Variants in IL6ST observed in about 807,000 individuals in gnomAD.
IL6ST encodes interleukin-6 receptor subunit beta.
Under a neutral mutation model 91.3 loss-of-function variants are expected in IL6ST, and 24 were observed. The ratio of observed to expected loss-of-function variants is 0.26; its 90% CI spans 0.19 to 0.37. IL6ST has a LOEUF of 0.37. IL6ST is among the 10% of genes least tolerant of loss of function. The probability of loss-of-function intolerance (pLI) is 1.00; values close to 1 mark genes in which losing one functional copy is unlikely to be tolerated. For missense variants in IL6ST, 914 were observed against 1,078.5 expected, an observed-to-expected ratio of 0.85 and a Z score of 2.14; for synonymous variants, 351 against 373.6, an observed-to-expected ratio of 0.94 and a Z score of 0.70.
rs1401039072 is a variant in IL6ST, at chr5:55,938,209, A to G, written c.*2873T>C. On this transcript the variant is annotated 3_prime_UTR_variant, in exon 17 of 17. Transcript: ENST00000381298. The stretch of plus-strand genomic sequence containing the variant: ...GTGGTAAAATCCCTTATCAAGGAAT[A>G]AGGCTGAAATTTAAATGAACAATTA... 5.2e-6 allele frequency: 1 copy of G among 192,416 alleles called. No individual in the cohort carries two copies. The highest frequency in any genetic ancestry group is 1.1e-5 in the Non-Finnish European group (1 of 92,022). The allele number at this position is 192,416 out of a possible 1,614,324, so 11.9% of individuals were successfully genotyped here. A position where few individuals can be genotyped will look rare whatever the true frequency, so the allele number is the denominator to read the frequency against.
chr5:55,950,186 GA>G, intron 14 of IL6ST: 1 of 493,756 alleles, frequency 2.0e-6, no homozygotes, highest in Non-Finnish European at 4.0e-6. Context: ...ATGTATTTGG[GA>G]AGGAAAGAGA....
At chr5:55,947,634 T>G (rs1412915859) in intron 14 of IL6ST, 45 bp from the exon 15 acceptor site, 46 of 988,354 alleles carry the variant, frequency 4.7e-5, no homozygotes, top group Non-Finnish European at 5.6e-5. Flanking sequence ...TGATGGGAAA[T>G]AATGTTGACA....
chr5:55,976,134 A>G (rs1753274742), intron 3 of IL6ST, 81 bp downstream of exon 3: 2 of 554,016 alleles, frequency 3.6e-6, no homozygotes, highest in Non-Finnish European at 6.0e-6. Flanking sequence ...ATAATTAAAC[A>G]TAAGCTTAAT....
rs574294088 is a variant in IL6ST at position 55,989,487 on chromosome 5, C to A, written c.-104+5297G>T. Among the ~76,000 whole-genome samples the A allele has an allele frequency of 5.9e-5, 9 of 152,236 alleles. No homozygotes were observed. The East Asian group carries it at 1.7e-3, about 29-fold the overall frequency. Reference sequence around the variant, plus strand: ...CTAAATGCAAAAGCAAAATTATAAGCATATTGAAAAACACATAGAATATGC... The same window carrying A: ...CTAAATGCAAAAGCAAAATTATAAGAATATTGAAAAACACATAGAATATGC... On this transcript the variant is annotated intron_variant, in intron 1 of 16. Transcript: ENST00000381298.
At position 55,963,334 on chromosome 5, in the gene IL6ST, C is replaced by T. The variant is rs1033711647; in HGVS notation, c.813+18G>A. 9.1e-6 allele frequency: 14 copies of T among 1,533,346 alleles called. No homozygotes were observed. The highest frequency in any genetic ancestry group is 2.8e-5 in the African/African-American group (2 of 71,370). 95.0% of individuals were successfully genotyped at this position (1,533,346 alleles called of 1,614,324 possible). ...TTGAAAGAAGGACTATTTGAATAAA[C>T]GGTAACTTTCAATTTACCTGGCTCC... On this transcript the variant is annotated intron_variant, in intron 7 of 16. Transcript: ENST00000381298.
chr5:55,991,000 T>G (rs1485754429), intron 1 of IL6ST, among the ~76,000 whole-genome samples: 1 of 152,010 alleles, frequency 6.6e-6, no homozygotes, highest in African/African-American at 2.4e-5. Context: ...TTTGGTTTTC[T>G]GTCCTTGCAA....
chr5:55,990,764 C>CT (rs944671358), intron 1 of IL6ST, among the ~76,000 whole-genome samples: 2 of 151,992 alleles, frequency 1.3e-5, no homozygotes, highest in Non-Finnish European at 2.9e-5. Context: ...GTTTATTATA[C>CT]TTTAAGTTCT....
rs1182556423 is a variant in IL6ST, at chr5:55,938,802, G to C, written c.*2280C>G. 12 of 202,454 alleles carry C rather than the reference G, an allele frequency of 5.9e-5. No individual in the cohort carries two copies. The highest frequency in any genetic ancestry group is 1.0e-5 in the Non-Finnish European group (1 of 98,550). The allele number at this position is 202,454 out of a possible 1,614,324, so 12.5% of individuals were successfully genotyped here. A position where few individuals can be genotyped will look rare whatever the true frequency, so the allele number is the denominator to read the frequency against. On this transcript the variant is annotated 3_prime_UTR_variant, in exon 17 of 17. Transcript: ENST00000381298. Reference sequence around the variant, plus strand: ...TAGGGCAGGTGTACATTACATATTAGTGCTCAAATATATGTTCATTTCCAG... The same window carrying C: ...TAGGGCAGGTGTACATTACATATTACTGCTCAAATATATGTTCATTTCCAG...
In IL6ST at chr5:55,945,096, A is replaced by T. The variant is rs539525401; in HGVS notation, c.1938-2345T>A. ...TCTCCTATAGATTCAATTAAATCTG[A>T]CCTATAGATTCAATAAAATCCCAAT... On this transcript the variant is annotated intron_variant, in intron 15 of 16. Transcript: ENST00000381298. Among the ~76,000 whole-genome samples the T allele has an allele frequency of 5.3e-4, 80 of 152,058 alleles. 1 individual carries two copies. Among genetic ancestry groups the T allele is most frequent in the African/African-American group, 1.7e-3 (72 of 41,470 alleles).
In IL6ST at chr5:55,942,747, T is replaced by C; in HGVS notation, c.1942A>G (p.Lys648Glu). 6.3e-7 allele frequency: 1 copy of C among 1,597,984 alleles called. No homozygotes were observed. Among genetic ancestry groups the C allele is most frequent in the Non-Finnish European group, 8.6e-7 (1 of 1,167,166 alleles). ...GGAACATTAGGCCAGATGTGTTTTT[T>C]AATTCTGAAGAGAAAAGAAAAATGG... ...LFCFNKRDLI[K>E]KHIWPNVPDP... The change falls in exon 16 of 17, where the codon AAA becomes GAA. Residue 648 changes from lysine to glutamate, a missense_variant. Physicochemically the swap from Lys to Glu is moderately conservative, Grantham distance 56. Transcript: ENST00000381298.
At chr5:55,979,498 A>G (rs1445371739) in intron 2 of IL6ST, among the ~76,000 whole-genome samples, 1 of 152,188 alleles carries the variant, frequency 6.6e-6, no homozygotes, top group Non-Finnish European at 1.5e-5. Context: ...AATTATCCCA[A>G]TACCATTCTT....
intron 3 of IL6ST, among the ~76,000 whole-genome samples, chr5:55,970,919 AAAAC>A (rs1365807237): frequency 1.6e-4 from 24 of 152,228 alleles, no homozygotes; most frequent in African/African-American, 5.5e-4. Flanking sequence ...AAAACAAAAC[AAAAC>A]AAACAAAACA....
Position 55,952,016 on chromosome 5 carries a change from C to T in IL6ST, c.1612G>A (p.Glu538Lys), listed in dbSNP as rs1273735319. 5 of 1,611,892 alleles carry T rather than the reference C, an allele frequency of 3.1e-6. 1 individual carries two copies. The Middle Eastern group carries it at 4.9e-4, about 159-fold the overall frequency. Residue 538 changes from glutamate (E) to lysine (K), a missense_variant, in exon 13 of 17, where the codon GAG (glutamate) becomes AAG (lysine). By Grantham distance (56) the Glu-to-Lys change is moderately conservative. Coordinates refer to ENST00000381298, the MANE Select transcript of IL6ST (RefSeq NM_002184.4). ...KKVGKNEAVL[E>K]WDQLPVDVQN... ...ACATCAACAGGAAGTTGGTCCCACTCTAAGACAGCTTCGTTTTTCCCTACT... is the reference window on the plus strand; with the variant it reads ...ACATCAACAGGAAGTTGGTCCCACTTTAAGACAGCTTCGTTTTTCCCTACT...
rs932466727 is a variant in IL6ST, at chr5:55,994,944, T to A, written c.-264A>T. The A allele has an allele frequency of 6.6e-6, 1 of 152,022 alleles. No homozygotes were observed. Among genetic ancestry groups the A allele is most frequent in the Admixed American group, 6.5e-5 (1 of 15,268 alleles). The allele number at this position is 152,022 out of a possible 1,614,324, so 9.4% of individuals were successfully genotyped here. ...GGGCCTTTTGGCTGCTCGCCCCGGC[T>A]CCGGAACACTGTCAGATCCTTCTCC... On this transcript the variant is annotated 5_prime_UTR_variant, in exon 1 of 17. Coordinates refer to ENST00000381298, the MANE Select transcript of IL6ST (RefSeq NM_002184.4).
intron 10 of IL6ST, among the ~76,000 whole-genome samples, chr5:55,955,214 T>G (rs1479588198): frequency 1.3e-5 from 2 of 152,130 alleles, no homozygotes; most frequent in East Asian, 3.9e-4. Flanking sequence ...TTCCAACATT[T>G]TACGAGGCCA....
At chr5:55,942,810 C>A in intron 15 of IL6ST, 59 bp from the exon 16 acceptor site, 6 of 887,240 alleles carry the variant, frequency 6.8e-6, no homozygotes, top group African/African-American at 1.7e-5. Context: ...ATAAATAGTC[C>A]CTATTTCTAA....
intron 15 of IL6ST, among the ~76,000 whole-genome samples, chr5:55,946,974 G>A (rs917277351): frequency 2.0e-5 from 3 of 152,030 alleles, no homozygotes; most frequent in Non-Finnish European, 4.4e-5. Context: ...GGGAGGCTGA[G>A]GGTGGATCCC....
chr5:55,972,618 A>C (rs1753027701), intron 3 of IL6ST, among the ~76,000 whole-genome samples: 1 of 152,354 alleles, frequency 6.6e-6, no homozygotes, highest in African/African-American at 2.4e-5. Context: ...GCTGAGATTA[A>C]ATTGTAAAAA....
Position 55,966,953 on chromosome 5 carries a change from G to GA in IL6ST, c.491+1322dup, listed in dbSNP as rs35331682. On this transcript the variant is annotated intron_variant, in intron 5 of 16. Transcript: ENST00000381298. The stretch of plus-strand genomic sequence containing the variant: ...CACTCCTACAAAATATTTTTTTGGG[G>GA]AAAAAAAAAAAATCAAACCCAAATC... Among the ~76,000 whole-genome samples, 192 of 146,048 alleles carry GA rather than the reference G, an allele frequency of 1.3e-3. 2 individuals are homozygous for GA. Among genetic ancestry groups the GA allele is most frequent in the South Asian group, 0.011 (48 of 4,560 alleles).
Sources: gnomAD v4.1 joint callset for allele counts (sites outside exome capture counted in the v4.1 genomes callset) on GRCh38, gnomAD v4.1.1 for gene constraint, MANE v1.5 for transcripts, NCBI Gene and HGNC (gene_info 2026-07-23, HGNC 2026-07-21) for gene names.